Variants in NOL4L observed in about 807,000 individuals in gnomAD.
NOL4L encodes the protein nucleolar protein 4 like, also known as nucleolar protein 4-like.
NOL4L carries 7 observed loss-of-function variants against 64.5 expected under a neutral mutation model. That is an observed-to-expected ratio of 0.11 (90% CI 0.06 to 0.20). The LOEUF is 0.20. Among genes scored for constraint, NOL4L ranks in the 10% least tolerant of loss-of-function variants. The pLI, the probability that NOL4L is intolerant of heterozygous loss-of-function variation, is 1.00. For missense variants in NOL4L, 680 were observed against 967.1 expected, an observed-to-expected ratio of 0.70 and a Z score of 3.94; for synonymous variants, 413 against 401.0, an observed-to-expected ratio of 1.03 and a Z score of -0.36.
chr20:32,575,374 C>T (rs931895377), intron 1 of NOL4L, among the ~76,000 whole-genome samples: 1 of 152,334 alleles, frequency 6.6e-6, no homozygotes, highest in Middle Eastern at 3.4e-3. Context: ...ACAACGCCCA[C>T]GCTGACCCCG....
At chr20:32,576,705 A>C (rs978104816) in intron 1 of NOL4L, among the ~76,000 whole-genome samples, 2 of 151,288 alleles carry the variant, frequency 1.3e-5, no homozygotes, top group Non-Finnish European at 1.5e-5. Flanking sequence ...CCGTCTCCCC[A>C]CTCCCCACGA....
At chr20:32,500,055 T>G (rs946762523) in intron 4 of NOL4L, among the ~76,000 whole-genome samples, 28 of 152,044 alleles carry the variant, frequency 1.8e-4, no homozygotes, top group Admixed American at 1.6e-3. Context: ...AAGCGGAATC[T>G]GTATCTCAGA....
At chr20:32,577,718 A>G (rs935167439) in intron 1 of NOL4L, among the ~76,000 whole-genome samples, 1 of 152,212 alleles carries the variant, frequency 6.6e-6, no homozygotes, top group Non-Finnish European at 1.5e-5. Context: ...GTTCAATTCA[A>G]TGCAACATTT....
rs184730353 is a variant in NOL4L, at chr20:32,488,760, T to C, written c.700-14018A>G. On this transcript the variant is annotated intron_variant, in intron 4 of 10. Transcript: ENST00000621426. ...TTCTTTCTTTCTTTTCCTTCCTTCC[T>C]TCCTTCCTTCCTTCCTTCCTTCCTT... Among the ~76,000 whole-genome samples, 34 of 53,780 alleles carry C rather than the reference T, an allele frequency of 6.3e-4. No individual in the cohort carries two copies. In the East Asian group the frequency reaches 0.017, roughly 27 times the overall value. The allele number at this position is 53,780 out of a possible 152,430, so 35.3% of individuals were successfully genotyped here. A position where few individuals can be genotyped will look rare whatever the true frequency, so the allele number is the denominator to read the frequency against.
At chr20:32,497,594 G>A (rs1024516066) in intron 4 of NOL4L, among the ~76,000 whole-genome samples, 7 of 152,302 alleles carry the variant, frequency 4.6e-5, no homozygotes, top group South Asian at 2.1e-4. Context: ...AAAACGGAAC[G>A]GGACTTAGCC....
Position 32,460,979 on chromosome 20 carries a change from C to T in NOL4L, c.842-4584G>A, listed in dbSNP as rs983122809. Among the ~76,000 whole-genome samples the T allele has an allele frequency of 6.6e-6, 1 of 152,248 alleles. No individual in the cohort carries two copies. Among genetic ancestry groups the T allele is most frequent in the Non-Finnish European group, 1.5e-5 (1 of 68,034 alleles). Reference sequence around the variant, plus strand: ...ACCACCTCAGGGAAGCCCTCCCTACCTGCCCCGATCTCCATCGTGGCACCG... The same window carrying T: ...ACCACCTCAGGGAAGCCCTCCCTACTTGCCCCGATCTCCATCGTGGCACCG... On this transcript the variant is annotated intron_variant, in intron 5 of 10. Transcript: ENST00000621426. This position sits in a 1 kb window ranked among gnomAD's most constrained non-coding sequence, Gnocchi z 5.7.
intron 2 of NOL4L, 86 bp downstream of exon 2, chr20:32,527,672 G>T: frequency 7.0e-7 from 1 of 1,429,064 alleles, no homozygotes. Flanking sequence ...TCCCTGCCCC[G>T]CCCCCCAAGC....
At chr20:32,487,996 C>G (rs2016167290) in intron 4 of NOL4L, among the ~76,000 whole-genome samples, 1 of 151,168 alleles carries the variant, frequency 6.6e-6, no homozygotes, top group African/African-American at 2.4e-5. Context: ...GTGGCACGAT[C>G]TGGGCTCACT....
At chr20:32,532,692 A>G (rs1268973135) in intron 1 of NOL4L, among the ~76,000 whole-genome samples, 1 of 152,226 alleles carries the variant, frequency 6.6e-6, no homozygotes, top group Non-Finnish European at 1.5e-5. Flanking sequence ...CAAACTGGAC[A>G]GTGAATTGAC....
At chr20:32,556,168 G>A (rs1600871274) in intron 1 of NOL4L, among the ~76,000 whole-genome samples, 1 of 152,108 alleles carries the variant, frequency 6.6e-6, no homozygotes. Flanking sequence ...GGCCTCGGGA[G>A]CTCTCCTGCC....
chr20:32,455,604 C>T (rs935401751), intron 6 of NOL4L, among the ~76,000 whole-genome samples: 1 of 152,176 alleles, frequency 6.6e-6, no homozygotes, highest in South Asian at 2.1e-4. Flanking sequence ...AGGGGGGATG[C>T]CCACTGGTAG....
chr20:32,494,281 A>C (rs1409076885), intron 4 of NOL4L, among the ~76,000 whole-genome samples: 4 of 64,732 alleles, frequency 6.2e-5, no homozygotes, highest in Non-Finnish European at 1.2e-4. Flanking sequence ...AAAAAAAAAA[A>C]ACACACAACA....
intron 5 of NOL4L, among the ~76,000 whole-genome samples, chr20:32,466,338 A>C (rs1237775729): frequency 6.6e-6 from 1 of 151,788 alleles, no homozygotes; most frequent in South Asian, 2.1e-4. Flanking sequence ...AGCATCCCAG[A>C]CAAGGCCAGG....
intron 3 of NOL4L, chr20:32,519,929 C>G (rs2017852516): frequency 6.6e-6 from 1 of 152,390 alleles, no homozygotes; most frequent in Non-Finnish European, 1.5e-5. Context: ...CCACCTCAGC[C>G]TCCCAAACTG....
At position 32,447,481 on chromosome 20, in the gene NOL4L, C is replaced by A; in HGVS notation, c.*115G>T. ...GCTTGGAGTGTGGCTAGAAACAGCT[C>A]TTTTGGATCCCACCTCTTTCAAAAA... On this transcript the variant is annotated 3_prime_UTR_variant, in exon 11 of 11. Transcript: ENST00000621426. The A allele has an allele frequency of 7.5e-7, 1 of 1,328,504 alleles. No individual in the cohort carries two copies. The highest frequency in any genetic ancestry group is 9.9e-7 in the Non-Finnish European group (1 of 1,013,292). The allele number at this position is 1,328,504 out of a possible 1,614,324, so 82.3% of individuals were successfully genotyped here.
chr20:32,508,704 C>T (rs2017242444), intron 4 of NOL4L, among the ~76,000 whole-genome samples: 1 of 152,220 alleles, frequency 6.6e-6, no homozygotes, highest in Non-Finnish European at 1.5e-5. Flanking sequence ...GATCTTGGCC[C>T]TGCCCCAGCT....
At chr20:32,483,424 G>A (rs911939817) in intron 4 of NOL4L, 423 of 987,342 alleles carry the variant, frequency 4.3e-4, no homozygotes, top group Non-Finnish European at 4.9e-4. Context: ...GCGGGCGGCG[G>A]TGACAGCCCC....
chr20:32,451,528 G>C (rs1027270151), intron 10 of NOL4L: 2 of 152,266 alleles, frequency 1.3e-5, no homozygotes, highest in African/African-American at 4.8e-5. Context: ...TGTCTCTTCG[G>C]GGGCTGTCTC....
chr20:32,447,271 A>ACAT lies in NOL4L; in HGVS notation c.*322_*324dup. ...GTAATTATCTGGGGGTGGGATTCTA[A>ACAT]CATCAGGGTCCACGAAGGTGATTCT... On this transcript the variant is annotated 3_prime_UTR_variant, in exon 11 of 11. Coordinates refer to ENST00000621426, the MANE Select transcript of NOL4L (RefSeq NM_001256798.2). 1 of 554,924 alleles carries ACAT rather than the reference A, an allele frequency of 1.8e-6. No individual in the cohort carries two copies. Among genetic ancestry groups the ACAT allele is most frequent in the Non-Finnish European group, 3.4e-6 (1 of 291,812 alleles). The allele number at this position is 554,924 out of a possible 1,614,324, so 34.4% of individuals were successfully genotyped here.
Sources: gnomAD v4.1 joint callset for allele counts (sites outside exome capture counted in the v4.1 genomes callset) on GRCh38, gnomAD v4.1.1 for gene constraint, Gnocchi (gnomAD v3.1) non-coding constraint, MANE v1.5 for transcripts, NCBI Gene and HGNC (gene_info 2026-07-23, HGNC 2026-07-21) for gene names.